THSD4: variants seen among roughly 807,000 people sequenced by gnomAD.
THSD4 encodes the protein thrombospondin type-1 domain-containing protein 4.
A neutral mutation model predicts 119.0 loss-of-function variants in THSD4; 69 were observed. The observed-to-expected ratio is 0.58, with a 90% CI of 0.48 to 0.71. The LOEUF (loss-of-function observed/expected upper bound fraction) is 0.71. THSD4 is among the 30% of genes least tolerant of loss of function. THSD4 has a pLI of 0.00. For missense variants in THSD4, 1,393 were observed against 1,391.1 expected, an observed-to-expected ratio of 1.00 and a Z score of -0.02; for synonymous variants, 524 against 540.4, an observed-to-expected ratio of 0.97 and a Z score of 0.42.
intron 7 of THSD4, among the ~76,000 whole-genome samples, chr15:71,601,226 T>C (rs2050004537): frequency 6.6e-6 from 1 of 152,204 alleles, no homozygotes; most frequent in Non-Finnish European, 1.5e-5. Flanking sequence ...AGACTATCAT[T>C]TAACACTTCC....
chr15:71,324,327 G>A (rs1335549540), intron 6 of THSD4, among the ~76,000 whole-genome samples: 1 of 151,978 alleles, frequency 6.6e-6, no homozygotes, highest in Non-Finnish European at 1.5e-5. Context: ...TATTTCAATA[G>A]CTTTTGGAGT....
chr15:71,246,098 G>A (rs764199301), intron 5 of THSD4, among the ~76,000 whole-genome samples: 13 of 152,114 alleles, frequency 8.5e-5, no homozygotes, highest in African/African-American at 2.4e-4. Context: ...GCTTTGACAC[G>A]GAGGAACTGA....
chr15:71,370,725 T>C (rs2046032910), intron 6 of THSD4, among the ~76,000 whole-genome samples: 1 of 152,246 alleles, frequency 6.6e-6, no homozygotes, highest in Non-Finnish European at 1.5e-5. Flanking sequence ...TTAGAATAAG[T>C]GCAATGTGGT....
chr15:71,405,786 T>C (rs1295603062), intron 6 of THSD4, among the ~76,000 whole-genome samples: 2 of 152,252 alleles, frequency 1.3e-5, no homozygotes, highest in Admixed American at 1.3e-4. Flanking sequence ...AAATGTGATA[T>C]CTTTCCATTT....
At chr15:71,299,976 A>AAAAAAAAAATATATATATATATAT (rs1555462049) in intron 6 of THSD4, among the ~76,000 whole-genome samples, 1 of 48,320 alleles carries the variant, frequency 2.1e-5, no homozygotes, top group African/African-American at 7.7e-5. Flanking sequence ...AAAAAAAAAA[A>AAAAAAAAAATATATATATATATAT]ATATATATAT....
chr15:71,382,494 T>A (rs893195294), intron 6 of THSD4, among the ~76,000 whole-genome samples: 1 of 152,288 alleles, frequency 6.6e-6, no homozygotes, highest in South Asian at 2.1e-4. Flanking sequence ...CTACATCTTA[T>A]CCATTTAGTT....
In THSD4 at chr15:71,775,945, T is replaced by A. The variant is rs571885425; in HGVS notation, c.2915-1287T>A. Among the ~76,000 whole-genome samples, 7 of 152,246 alleles carry A rather than the reference T, an allele frequency of 4.6e-5. No homozygotes were observed. In the South Asian group the frequency reaches 8.3e-4, roughly 18 times the overall value. Reference sequence around the variant, plus strand: ...TATGATGGAGGTCATATTATGAAGCTGTGGGGAAAAGATGAACAATTCAAT... The same window carrying A: ...TATGATGGAGGTCATATTATGAAGCAGTGGGGAAAAGATGAACAATTCAAT... On this transcript the variant is annotated intron_variant, in intron 17 of 17. Coordinates refer to ENST00000261862, the MANE Select transcript of THSD4 (RefSeq NM_024817.3).
In THSD4 at chr15:71,779,122, G is replaced by A. The variant is rs547347435; in HGVS notation, c.*1748G>A. On this transcript the variant is annotated 3_prime_UTR_variant, in exon 18 of 18. Transcript: ENST00000261862. Reference sequence around the variant, plus strand: ...TGCTCTTTAGGCTTCCACTAACCTGGGGCTTTCAGAAATTCTATTTGGCCT... The same window carrying A: ...TGCTCTTTAGGCTTCCACTAACCTGAGGCTTTCAGAAATTCTATTTGGCCT... The A allele has an allele frequency of 6.6e-6, 1 of 152,238 alleles. No individual in the cohort carries two copies. Among genetic ancestry groups the A allele is most frequent in the South Asian group, 2.1e-4 (1 of 4,824 alleles). The allele number at this position is 152,238 out of a possible 1,614,324, so 9.4% of individuals were successfully genotyped here. A position where few individuals can be genotyped will look rare whatever the true frequency, so the allele number is the denominator to read the frequency against.
At chr15:71,242,598 A>T (rs371359619) in intron 4 of THSD4, 51 bp from the exon 5 acceptor site, 1 of 1,575,308 alleles carries the variant, frequency 6.3e-7, no homozygotes, top group Non-Finnish European at 8.7e-7. Flanking sequence ...CTGAGTTAAC[A>T]TGAAATTCAT....
At chr15:71,235,844 G>A (rs894553408) in intron 4 of THSD4, among the ~76,000 whole-genome samples, 3 of 152,108 alleles carry the variant, frequency 2.0e-5, no homozygotes, top group African/African-American at 7.2e-5. Context: ...TCCCACCTCA[G>A]CCTCCGAAAG....
intron 7 of THSD4, among the ~76,000 whole-genome samples, chr15:71,609,741 A>G: frequency 6.6e-6 from 1 of 151,782 alleles, no homozygotes; most frequent in East Asian, 1.9e-4. Context: ...AGTCCCAGCT[A>G]CTCGGGAGGC....
At chr15:71,241,420 C>T (rs2044151714) in intron 4 of THSD4, among the ~76,000 whole-genome samples, 1 of 152,112 alleles carries the variant, frequency 6.6e-6, no homozygotes, top group Non-Finnish European at 1.5e-5. Flanking sequence ...CCCAAAGCAA[C>T]ATTTATTGTA....
intron 7 of THSD4, among the ~76,000 whole-genome samples, chr15:71,648,492 G>A (rs937454099): frequency 4.6e-5 from 7 of 152,152 alleles, no homozygotes; most frequent in African/African-American, 7.2e-5. Flanking sequence ...AAGACAAACC[G>A]GGAAAGACTA....
At chr15:71,359,179 C>T (rs1334633979) in intron 6 of THSD4, among the ~76,000 whole-genome samples, 1 of 152,184 alleles carries the variant, frequency 6.6e-6, no homozygotes, top group Non-Finnish European at 1.5e-5. Context: ...CTTGTACACA[C>T]CCAGGACAGT....
chr15:71,232,608 G>A (rs553934517), intron 4 of THSD4, among the ~76,000 whole-genome samples: 21 of 152,162 alleles, frequency 1.4e-4, no homozygotes, highest in South Asian at 4.2e-4. Flanking sequence ...GAGTCTTGCC[G>A]CACAAGAGCC....
At chr15:71,606,020 A>G (rs2050103911) in intron 7 of THSD4, among the ~76,000 whole-genome samples, 1 of 152,200 alleles carries the variant, frequency 6.6e-6, no homozygotes, top group Non-Finnish European at 1.5e-5. Context: ...CACCTGGGCC[A>G]AGTGTTCTGT....
intron 6 of THSD4, among the ~76,000 whole-genome samples, chr15:71,260,040 T>A (rs1336618445): frequency 6.6e-6 from 1 of 152,178 alleles, no homozygotes; most frequent in African/African-American, 2.4e-5. Flanking sequence ...TTGCCAGACC[T>A]TTTCTGCGTG....
intron 7 of THSD4, among the ~76,000 whole-genome samples, chr15:71,630,998 A>G (rs898046900): frequency 3.9e-5 from 6 of 152,018 alleles, no homozygotes; most frequent in African/African-American, 9.7e-5. Flanking sequence ...CTCCTCCCCA[A>G]CCACCAACTG....
intron 3 of THSD4, among the ~76,000 whole-genome samples, chr15:71,158,952 A>G (rs1009798067): frequency 9.2e-5 from 14 of 152,132 alleles, no homozygotes; most frequent in African/African-American, 3.4e-4. Context: ...TTGTTTTAGT[A>G]GTTTCATAAT....
Sources: gnomAD v4.1 joint callset for allele counts (sites outside exome capture counted in the v4.1 genomes callset) on GRCh38, gnomAD v4.1.1 for gene constraint, MANE v1.5 for transcripts, NCBI Gene and HGNC (gene_info 2026-07-23, HGNC 2026-07-21) for gene names.